Variants in UBE2Z observed in about 807,000 individuals in gnomAD.
UBE2Z encodes ubiquitin conjugating enzyme E2 Z, also known as ubiquitin-conjugating enzyme E2 Z.
A neutral mutation model predicts 32.6 loss-of-function variants in UBE2Z; 10 were observed. The observed-to-expected ratio is 0.31, with a 90% CI of 0.19 to 0.52. UBE2Z has a LOEUF of 0.52. Among genes scored for constraint, UBE2Z ranks in the 20% least tolerant of loss-of-function variants. The pLI is 0.97. For missense variants in UBE2Z, 343 were observed against 480.9 expected (o/e 0.71, Z 2.68); for synonymous variants, 183 against 190.8 (o/e 0.96, Z 0.34).
chr17:48,919,370 A>G (rs929192914), intron 4 of UBE2Z, among the ~76,000 whole-genome samples: 7 of 152,230 alleles, frequency 4.6e-5, no homozygotes, highest in African/African-American at 1.7e-4. Context: ...TTAAAGGAGT[A>G]GAGGCCATAC....
At chr17:48,922,733 C>T (rs2040769021) in intron 5 of UBE2Z, 114 bp from the exon 6 acceptor site, 2 of 710,988 alleles carry the variant, frequency 2.8e-6, no homozygotes, top group Non-Finnish European at 4.5e-6. Flanking sequence ...CACCACTGCA[C>T]TCCAACATGG....
chr17:48,910,694 A>G (rs2040670272), intron 1 of UBE2Z, 114 bp from the exon 2 acceptor site: 2 of 807,308 alleles, frequency 2.5e-6, no homozygotes, highest in Non-Finnish European at 4.4e-6. Flanking sequence ...GGTACCAAGC[A>G]CCACTTTCTC....
Position 48,921,259 on chromosome 17 carries a change from C to T in UBE2Z, c.790C>T (p.Pro264Ser). 6.2e-7 allele frequency: 1 copy of T among 1,611,508 alleles called. No individual in the cohort carries two copies. The highest frequency in any genetic ancestry group is 2.2e-5 in the East Asian group (1 of 44,836). ...CATGATGGAAGGAAAGTGTCCCTGT[C>T]CTGAACCCCTACGGTATGTGTCAAG... The part of the protein sequence containing the change: ...CDMMEGKCPC[P>S]EPLRGVMEKS... The change falls in exon 5 of 7, where the codon CCT becomes TCT. Residue 264 changes from proline (P) to serine (S), a missense_variant. Pro to Ser is a moderately conservative substitution (Grantham distance 74). Around this residue, in one of 4 missense-constraint regions of UBE2Z, gnomAD observed 182 missense variants for 312.4 expected, o/e 0.58. Coordinates refer to ENST00000360943, the MANE Select transcript of UBE2Z (RefSeq NM_023079.5).
At chr17:48,923,208 C>T (rs1158261363) in intron 6 of UBE2Z, 2 of 235,600 alleles carry the variant, frequency 8.5e-6, no homozygotes, top group African/African-American at 4.6e-5. Context: ...GTAGTCCCAT[C>T]TACTCAGGAG....
chr17:48,909,002 C>T (rs1009535513), intron 1 of UBE2Z, 182 bp downstream of exon 1: 34 of 339,376 alleles, frequency 1.0e-4, no homozygotes, highest in African/African-American at 7.1e-4. Context: ...CCCCCACCCT[C>T]AGACCCGCAA....
chr17:48,909,928 T>C (rs1250303376), intron 1 of UBE2Z, among the ~76,000 whole-genome samples: 4 of 152,212 alleles, frequency 2.6e-5, no homozygotes, highest in Non-Finnish European at 5.9e-5. Flanking sequence ...GGAGGTCAAC[T>C]GTGGAGGGAT....
chr17:48,908,956 T>C, intron 1 of UBE2Z, 136 bp downstream of exon 1: 1 of 486,118 alleles, frequency 2.1e-6, no homozygotes, highest in Non-Finnish European at 3.1e-6. Context: ...GCCCAAATCT[T>C]GCCAGCTCCG....
intron 4 of UBE2Z, among the ~76,000 whole-genome samples, chr17:48,917,356 T>C (rs182883566): frequency 1.6e-4 from 25 of 152,268 alleles, no homozygotes; most frequent in African/African-American, 5.8e-4. Flanking sequence ...TTACAATAAG[T>C]ATGTGACTTG....
At chr17:48,922,817 C>G in intron 5 of UBE2Z, 30 bp from the exon 6 acceptor site, 1 of 1,585,342 alleles carries the variant, frequency 6.3e-7, no homozygotes, top group Non-Finnish European at 8.6e-7. Context: ...CCCTGGGTTT[C>G]TCACTTACAC....
intron 6 of UBE2Z, among the ~76,000 whole-genome samples, chr17:48,923,610 G>A (rs886310764): frequency 1.1e-4 from 13 of 113,178 alleles, no homozygotes; most frequent in African/African-American, 3.2e-4. Flanking sequence ...CAACAAGAGC[G>A]AAACTCGGTC....
At position 48,927,235 on chromosome 17, in the gene UBE2Z, G is replaced by C; in HGVS notation, c.*101G>C. On this transcript the variant is annotated 3_prime_UTR_variant, in exon 7 of 7. Coordinates refer to ENST00000360943, the MANE Select transcript of UBE2Z (RefSeq NM_023079.5). ...GCACTGTGTATCTCCCTCCAGACTC[G>C]AAGTCATCCTGCAAGATGGCAAGAA... 7.8e-7 allele frequency: 1 copy of C among 1,276,418 alleles called. No individual in the cohort carries two copies. Among genetic ancestry groups the C allele is most frequent in the Non-Finnish European group, 1.1e-6 (1 of 923,540 alleles). The allele number at this position is 1,276,418 out of a possible 1,614,324, so 79.1% of individuals were successfully genotyped here.
intron 1 of UBE2Z, chr17:48,910,258 G>T (rs182567533): frequency 6.5e-6 from 1 of 153,780 alleles, no homozygotes; most frequent in East Asian, 1.9e-4. Flanking sequence ...AGCCTGAAGA[G>T]ATCTCTACCC....
intron 3 of UBE2Z, among the ~76,000 whole-genome samples, chr17:48,915,060 G>A (rs975335860): frequency 6.6e-6 from 1 of 152,016 alleles, no homozygotes; most frequent in Non-Finnish European, 1.5e-5. Context: ...GTTCCTAGTT[G>A]ACTGTATTAG....
intron 4 of UBE2Z, among the ~76,000 whole-genome samples, chr17:48,917,073 G>T (rs1452091547): frequency 6.6e-6 from 1 of 151,958 alleles, no homozygotes; most frequent in East Asian, 1.9e-4. Context: ...TTGGGAGGCC[G>T]AGGCGGGCAG....
Position 48,927,235 on chromosome 17 carries a change from G to A in UBE2Z, c.*101G>A, listed in dbSNP as rs777646756. ...GCACTGTGTATCTCCCTCCAGACTC[G>A]AAGTCATCCTGCAAGATGGCAAGAA... On this transcript the variant is annotated 3_prime_UTR_variant, in exon 7 of 7. Transcript: ENST00000360943. The A allele has an allele frequency of 1.0e-5, 13 of 1,276,414 alleles. No individual in the cohort carries two copies. The South Asian group carries it at 1.3e-4, about 13-fold the overall frequency. 79.1% of individuals were successfully genotyped at this position (1,276,414 alleles called of 1,614,324 possible). A position where few individuals can be genotyped will look rare whatever the true frequency, so the allele number is the denominator to read the frequency against.
chr17:48,916,729 TC>T (rs1456256758), intron 4 of UBE2Z, among the ~76,000 whole-genome samples: 1 of 150,946 alleles, frequency 6.6e-6, no homozygotes, highest in Non-Finnish European at 1.5e-5. Context: ...ACACCTGTAA[TC>T]CCAGCACTTT....
intron 4 of UBE2Z, 70 bp downstream of exon 4, chr17:48,916,257 T>TG (rs1567778407): frequency 3.7e-6 from 3 of 817,486 alleles, no homozygotes; most frequent in African/African-American, 3.5e-5. Context: ...TTGGTTTTTT[T>TG]GTTTTTTTTT....
intron 2 of UBE2Z, 149 bp from the exon 3 acceptor site, chr17:48,912,685 C>A: frequency 2.6e-6 from 2 of 782,450 alleles, no homozygotes; most frequent in Non-Finnish European, 2.1e-6. Flanking sequence ...TGAGTGAATA[C>A]AGGATGTTCC....
chr17:48,922,959 AT>A, intron 6 of UBE2Z, 22 bp downstream of exon 6: 1 of 1,596,054 alleles, frequency 6.3e-7, no homozygotes, highest in East Asian at 2.2e-5. Flanking sequence ...CCTGCTGCTA[AT>A]TGCAGAAGCC....
Sources: allele counts gnomAD v4.1 joint callset (sites outside exome capture counted in the v4.1 genomes callset), GRCh38; gene constraint gnomAD v4.1.1; regional missense constraint gnomAD v4.1.1; transcripts MANE v1.5; gene names NCBI Gene and HGNC (gene_info 2026-07-23, HGNC 2026-07-21).